SELENOI: variants seen among roughly 807,000 people sequenced by gnomAD.
SELENOI encodes the protein ethanolaminephosphotransferase 1.
Under a neutral mutation model 50.7 loss-of-function variants are expected in SELENOI, and 24 were observed. The observed-to-expected ratio is 0.47, with a 90% CI of 0.34 to 0.67. SELENOI has a LOEUF of 0.67. SELENOI is among the 30% of genes least tolerant of loss of function. SELENOI has a pLI of 0.01. For synonymous variants in SELENOI, 155 were observed against 170.2 expected (o/e 0.91, Z 0.70); for missense variants, 352 against 461.4 (o/e 0.76, Z 2.17).
rs568731287 is a variant in SELENOI, at chr2:26,386,487, C to T, written c.1046C>T (p.Thr349Ile). ...TACGTTGAGAGCATTCTCCTGTATACATTAACAACTGCTTTTACTCTGGCC... is the reference window on the plus strand; with the variant it reads ...TACGTTGAGAGCATTCTCCTGTATATATTAACAACTGCTTTTACTCTGGCC... ...ASYVESILLY[T>I]LTTAFTLAHI... Residue 349 changes from threonine (T) to isoleucine (I), a missense_variant, in exon 9 of 10, where the codon ACA becomes ATA. Thr to Ile is a moderately conservative substitution (Grantham distance 89). Transcript: ENST00000260585. 4 of 1,613,420 alleles carry T rather than the reference C, an allele frequency of 2.5e-6. No individual in the cohort carries two copies. The East Asian group carries it at 6.7e-5, about 27-fold the overall frequency.
At chr2:26,367,005 C>T (rs1036242741) in intron 3 of SELENOI, 141 bp from the exon 4 acceptor site, 6 of 653,646 alleles carry the variant, frequency 9.2e-6, no homozygotes, top group East Asian at 6.9e-5. Context: ...GTATTATTTA[C>T]GTAATTCTGG....
chr2:26,346,762 G>A (rs929278288), intron 1 of SELENOI: 2 of 153,472 alleles, frequency 1.3e-5, no homozygotes, highest in African/African-American at 4.8e-5. Context: ...TTCTGCTCCC[G>A]GCAGGGACTT....
At chr2:26,354,134 G>A (rs990234898) in intron 1 of SELENOI, among the ~76,000 whole-genome samples, 1 of 152,100 alleles carries the variant, frequency 6.6e-6, no homozygotes, top group Non-Finnish European at 1.5e-5. Context: ...ACTGCTTTAA[G>A]TGCTTTATGT....
chr2:26,346,325 C>T (rs1179898530), intron 1 of SELENOI, 36 bp downstream of exon 1: 1 of 1,589,922 alleles, frequency 6.3e-7, no homozygotes, highest in Non-Finnish European at 8.6e-7. Flanking sequence ...CTCCCTGCTC[C>T]CGGCCTCGCC....
At chr2:26,372,612 G>T (rs1395692651) in intron 4 of SELENOI, among the ~76,000 whole-genome samples, 1 of 152,240 alleles carries the variant, frequency 6.6e-6, no homozygotes, top group Non-Finnish European at 1.5e-5. Flanking sequence ...TTTCAAACAG[G>T]ATAGAATAGA....
chr2:26,346,205 C>T lies in SELENOI; in HGVS notation c.-28C>T. 1 of 1,613,522 alleles carries T rather than the reference C, an allele frequency of 6.2e-7. No individual in the cohort carries two copies. The highest frequency in any genetic ancestry group is 2.2e-5 in the East Asian group (1 of 44,852). Reference sequence around the variant, plus strand: ...CAGCCTTGTAGCCGGGAGTCGCTGCCGAGTGGGCGCTCAGTTTTCGGGTCG... The same window carrying T: ...CAGCCTTGTAGCCGGGAGTCGCTGCTGAGTGGGCGCTCAGTTTTCGGGTCG... On this transcript the variant is annotated 5_prime_UTR_variant, in exon 1 of 10. Transcript: ENST00000260585.
intron 4 of SELENOI, among the ~76,000 whole-genome samples, chr2:26,372,436 C>G (rs1026165007): frequency 2.6e-5 from 4 of 152,200 alleles, no homozygotes; most frequent in African/African-American, 9.7e-5. Flanking sequence ...TGTAAATTCT[C>G]TGAGGGCACA....
intron 6 of SELENOI, among the ~76,000 whole-genome samples, chr2:26,378,618 G>T (rs1254878964): frequency 6.6e-6 from 1 of 150,850 alleles, no homozygotes; most frequent in Non-Finnish European, 1.5e-5. Context: ...GTCTGGGACA[G>T]GGGGTAGGCA....
chr2:26,382,559 T>C (rs1677729011), intron 6 of SELENOI, among the ~76,000 whole-genome samples: 1 of 53,230 alleles, frequency 1.9e-5, no homozygotes, highest in African/African-American at 6.7e-5. Context: ...GTTTAGCAAA[T>C]GATAAGACAA....
rs1456659667 is a variant in SELENOI, at chr2:26,389,973, G to A, written c.*870G>A. ...TATAAATTGGAGTTAGGAATTTCAT[G>A]AACCTCACTATGACCAAAATTAATT... On this transcript the variant is annotated 3_prime_UTR_variant, in exon 10 of 10. Coordinates refer to ENST00000260585, the MANE Select transcript of SELENOI (RefSeq NM_033505.4). 6.6e-6 allele frequency: 1 copy of A among 151,490 alleles called. No homozygotes were observed. Among genetic ancestry groups the A allele is most frequent in the Non-Finnish European group, 1.5e-5 (1 of 67,836 alleles). 9.4% of individuals were successfully genotyped at this position (151,490 alleles called of 1,614,324 possible). A position where few individuals can be genotyped will look rare whatever the true frequency, so the allele number is the denominator to read the frequency against.
At chr2:26,369,771 A>G in intron 4 of SELENOI, among the ~76,000 whole-genome samples, 1 of 152,302 alleles carries the variant, frequency 6.6e-6, no homozygotes, top group South Asian at 2.1e-4. Context: ...CTTCACTCTT[A>G]ACATGCTAGT....
At chr2:26,383,230 G>C (rs1677744725) in intron 6 of SELENOI, 69 bp from the exon 7 acceptor site, 2 of 1,190,806 alleles carry the variant, frequency 1.7e-6, no homozygotes, top group East Asian at 5.8e-5. Context: ...AATTTGTTTT[G>C]CATGATTCAG....
intron 4 of SELENOI, among the ~76,000 whole-genome samples, chr2:26,369,457 T>C (rs543410440): frequency 7.9e-5 from 12 of 152,348 alleles, no homozygotes; most frequent in African/African-American, 2.6e-4. Context: ...CTATCTTCGT[T>C]ACCCAGAATA....
chr2:26,357,660 A>G (rs1269796155), intron 1 of SELENOI, among the ~76,000 whole-genome samples: 2 of 152,078 alleles, frequency 1.3e-5, no homozygotes, highest in Non-Finnish European at 2.9e-5. Flanking sequence ...CCCTCTTCAT[A>G]TGGCCTTCTT....
At chr2:26,347,845 A>G (rs767421670) in intron 1 of SELENOI, among the ~76,000 whole-genome samples, 1 of 152,188 alleles carries the variant, frequency 6.6e-6, no homozygotes, top group Non-Finnish European at 1.5e-5. Flanking sequence ...TAAGTGTCTT[A>G]ATTTACTAGA....
chr2:26,377,513 T>A (rs2147958176), intron 6 of SELENOI, among the ~76,000 whole-genome samples: 1 of 152,180 alleles, frequency 6.6e-6, no homozygotes, highest in South Asian at 2.1e-4. Context: ...ATGCCTGTAG[T>A]CCCAGTTACT....
chr2:26,370,736 G>A (rs1300708952), intron 4 of SELENOI, among the ~76,000 whole-genome samples: 29 of 142,182 alleles, frequency 2.0e-4, no homozygotes, highest in Middle Eastern at 4.3e-3. Flanking sequence ...TGGCCGGGCG[G>A]GGGGCTGACC....
intron 1 of SELENOI, 135 bp from the exon 2 acceptor site, chr2:26,364,167 T>A: frequency 4.1e-6 from 2 of 485,000 alleles, no homozygotes; most frequent in Non-Finnish European, 7.2e-6. Flanking sequence ...TCCTCAGGCC[T>A]CAGCCTTTTG....
rs869073468 is a variant in SELENOI, at chr2:26,348,996, C to CTTT, written c.57+2740_57+2742dup. Among the ~76,000 whole-genome samples the CTTT allele has an allele frequency of 1.5e-3, 87 of 57,702 alleles. 8 individuals carry two copies. The highest frequency in any genetic ancestry group is 3.4e-3 in the East Asian group (4 of 1,162). The allele number at this position is 57,702 out of a possible 152,430, so 37.9% of individuals were successfully genotyped here. A position where few individuals can be genotyped will look rare whatever the true frequency, so the allele number is the denominator to read the frequency against. On this transcript the variant is annotated intron_variant, in intron 1 of 9. Coordinates refer to ENST00000260585, the MANE Select transcript of SELENOI (RefSeq NM_033505.4). ...CTACCCATCCTTTGTTTTGGACAGG[C>CTTT]TTTTTTTTTTTTTTTTTTTTTTTTT...
Sources: allele counts gnomAD v4.1 joint callset (sites outside exome capture counted in the v4.1 genomes callset), GRCh38; gene constraint gnomAD v4.1.1; transcripts MANE v1.5; gene names NCBI Gene and HGNC (gene_info 2026-07-23, HGNC 2026-07-21).